MPHOSPH10: variants seen among roughly 807,000 people sequenced by gnomAD.
MPHOSPH10 encodes the protein M-phase phosphoprotein 10, also known as U3 small nucleolar ribonucleoprotein MPP10.
In MPHOSPH10, 33 loss-of-function variants were observed where a neutral mutation model predicts 77.3. That is an observed-to-expected ratio of 0.43 (90% CI 0.32 to 0.57). The LOEUF (loss-of-function observed/expected upper bound fraction) is 0.57, where lower values mean the gene tolerates loss of function less well. MPHOSPH10 is among the 20% of genes least tolerant of loss of function. The pLI is 0.07. For synonymous variants in MPHOSPH10, 245 were observed against 268.0 expected (o/e 0.91, Z 0.84); for missense variants, 708 against 780.1 (o/e 0.91, Z 1.10).
rs1043900724 is a variant in MPHOSPH10, at chr2:71,138,897, C to T, written c.1240+266C>T. The T allele has an allele frequency of 7.5e-5, 45 of 597,294 alleles. No homozygotes were observed. In the South Asian group the frequency reaches 8.1e-4, roughly 11 times the overall value. The allele number at this position is 597,294 out of a possible 1,614,324, so 37.0% of individuals were successfully genotyped here. Reference sequence around the variant, plus strand: ...TAAAAATACAAAAATCAGCCAGATACGGTGGCAGATTTCAGAATCCCATCT... The same window carrying T: ...TAAAAATACAAAAATCAGCCAGATATGGTGGCAGATTTCAGAATCCCATCT... On this transcript the variant is annotated intron_variant, in intron 5 of 10. Transcript: ENST00000244230.
At chr2:71,141,410 A>G in intron 7 of MPHOSPH10, 41 bp downstream of exon 7, 1 of 1,424,540 alleles carries the variant, frequency 7.0e-7, no homozygotes, top group African/African-American at 1.5e-5. Flanking sequence ...TATTAAAGAA[A>G]TAGAAGTAGA....
chr2:71,134,169 G>A lies in MPHOSPH10; in HGVS notation c.926+64G>A, dbSNP rs553379579. The A allele has an allele frequency of 6.9e-6, 10 of 1,454,676 alleles. No individual in the cohort carries two copies. In the South Asian group the frequency reaches 8.4e-5, roughly 12 times the overall value. The allele number at this position is 1,454,676 out of a possible 1,614,324, so 90.1% of individuals were successfully genotyped here. ...ATTGCCCAATCATGTGTGTGTACTC[G>A]TAGTTATCAAATGTGTTTGTCTTAG... On this transcript the variant is annotated intron_variant, in intron 3 of 10. Coordinates refer to ENST00000244230, the MANE Select transcript of MPHOSPH10 (RefSeq NM_005791.3).
At chr2:71,130,800 T>G in intron 1 of MPHOSPH10, 46 bp downstream of exon 1, 1 of 1,548,734 alleles carries the variant, frequency 6.5e-7, no homozygotes, top group Non-Finnish European at 8.8e-7. Context: ...GGGTCTCACG[T>G]GGACGCGGGT....
Position 71,130,695 on chromosome 2 carries a change from C to T in MPHOSPH10, c.30C>T (p.Thr10=), listed in dbSNP as rs764056516. ...CGCCGCAGGTCTGGCGTCGACGGAC[C>T]CTGGAGCGGTGTCTGACGGAAGTCG... MAPQVWRRR[T]LERCLTEVGK... Residue 10 remains threonine (T), a synonymous_variant, in exon 1 of 11, where the codon ACC becomes ACT. Coordinates refer to ENST00000244230, the MANE Select transcript of MPHOSPH10 (RefSeq NM_005791.3). 2 of 1,610,808 alleles carry T rather than the reference C, an allele frequency of 1.2e-6. No individual in the cohort carries two copies. Among genetic ancestry groups the T allele is most frequent in the Non-Finnish European group, 1.7e-6 (2 of 1,179,234 alleles).
intron 9 of MPHOSPH10, chr2:71,148,788 A>G (rs1208238020): frequency 1.1e-5 from 2 of 186,656 alleles, no homozygotes; most frequent in Non-Finnish European, 2.2e-5. Flanking sequence ...CTCACTAGAG[A>G]GATGTTTCCC....
intron 7 of MPHOSPH10, 106 bp downstream of exon 7, chr2:71,141,475 G>A (rs1673611098): frequency 1.1e-6 from 1 of 942,554 alleles, no homozygotes. Flanking sequence ...TGAGCTCTTT[G>A]GCTACCTCAT....
intron 6 of MPHOSPH10, 64 bp downstream of exon 6, chr2:71,139,926 G>A: frequency 8.7e-7 from 1 of 1,155,334 alleles, no homozygotes; most frequent in South Asian, 1.3e-5. Context: ...TAATGTGAGA[G>A]TACTTTGAGA....
At chr2:71,140,356 A>C (rs1673588797) in intron 6 of MPHOSPH10, among the ~76,000 whole-genome samples, 2 of 152,198 alleles carry the variant, frequency 1.3e-5, no homozygotes, top group Admixed American at 1.3e-4. Flanking sequence ...GGTGCAGGGC[A>C]TCACATGGTG....
chr2:71,141,193 G>T, intron 6 of MPHOSPH10, 39 bp from the exon 7 acceptor site: 1 of 1,300,206 alleles, frequency 7.7e-7, no homozygotes, highest in Admixed American at 3.0e-5. Context: ...GAAATAAATT[G>T]TAGGTTTTGT....
At position 71,149,290 on chromosome 2, in the gene MPHOSPH10, G is replaced by T. The variant is rs539937334; in HGVS notation, c.1733G>T (p.Arg578Leu). ...ACAGCTACAGACAAGAAACGAGAGC[G>T]AAGGAAAAAGAAATATCAAAAGCGT... ...EKTATDKKRE[R>L]RKKKYQKRMK... The change falls in exon 10 of 11, where the codon CGA (arginine) becomes CTA (leucine). Residue 578 changes from arginine (R) to leucine (L), a missense_variant. Physicochemically the swap from Arg to Leu is moderately radical, Grantham distance 102. This residue lies in a region of MPHOSPH10 where 263 missense variants were observed against 320.0 expected (regional missense o/e 0.82). Coordinates refer to ENST00000244230, the MANE Select transcript of MPHOSPH10 (RefSeq NM_005791.3). The T allele has an allele frequency of 6.2e-7, 1 of 1,606,724 alleles. No homozygotes were observed. The highest frequency in any genetic ancestry group is 1.1e-5 in the South Asian group (1 of 89,750).
intron 8 of MPHOSPH10, among the ~76,000 whole-genome samples, chr2:71,144,966 C>T (rs752996129): frequency 1.3e-5 from 2 of 152,164 alleles, no homozygotes; most frequent in Non-Finnish European, 2.9e-5. Flanking sequence ...TCTTTACATA[C>T]ACTAACACTT....
intron 10 of MPHOSPH10, 41 bp from the exon 11 acceptor site, chr2:71,149,825 G>T: frequency 6.7e-7 from 1 of 1,490,644 alleles, no homozygotes; most frequent in Non-Finnish European, 8.9e-7. Flanking sequence ...TCACTTATAA[G>T]TACATTTTAC....
Position 71,139,879 on chromosome 2 carries a change from TTTAAC to T in MPHOSPH10, c.1308+22_1308+26del, listed in dbSNP as rs754860845. The T allele has an allele frequency of 4.6e-6, 7 of 1,530,146 alleles. No individual in the cohort carries two copies. The African/African-American group carries it at 6.8e-5, about 15-fold the overall frequency. 94.8% of individuals were successfully genotyped at this position (1,530,146 alleles called of 1,614,324 possible). On this transcript the variant is annotated intron_variant, in intron 6 of 10. Transcript: ENST00000244230. ...AGAGATCAGGTCAGTAAGAATTAAA[TTTAAC>T]TTAATCAAAATGTCACCAAGATTTT...
Position 71,139,874 on chromosome 2 carries a change from T to A in MPHOSPH10, c.1308+12T>A, listed in dbSNP as rs1271458447. 1 of 1,567,036 alleles carries A rather than the reference T, an allele frequency of 6.4e-7. No homozygotes were observed. The highest frequency in any genetic ancestry group is 8.7e-7 in the Non-Finnish European group (1 of 1,148,786). ...GGATAAGAGATCAGGTCAGTAAGAA[T>A]TAAATTTAACTTAATCAAAATGTCA... On this transcript the variant is annotated intron_variant, in intron 6 of 10. Coordinates refer to ENST00000244230, the MANE Select transcript of MPHOSPH10 (RefSeq NM_005791.3).
chr2:71,144,792 T>C (rs890722244), intron 8 of MPHOSPH10, among the ~76,000 whole-genome samples: 2 of 152,204 alleles, frequency 1.3e-5, no homozygotes, highest in African/African-American at 4.8e-5. Flanking sequence ...TCTTACTGTT[T>C]TAACTTACCT....
Position 71,149,355 on chromosome 2 carries a change from G to C in MPHOSPH10, c.1798G>C (p.Glu600Gln). 1 of 1,614,154 alleles carries C rather than the reference G, an allele frequency of 6.2e-7. No homozygotes were observed. Among genetic ancestry groups the C allele is most frequent in the Non-Finnish European group, 8.5e-7 (1 of 1,179,996 alleles). ...KEKEKRRKLLEKSSVDQAGKY... is the reference protein window; with the variant it reads ...KEKEKRRKLLQKSSVDQAGKY... ...GAAGGAGAAGCGGAGAAAACTGCTT[G>C]AAAAGAGCAGTGTAGATCAAGCAGG... is the stretch of plus-strand genomic sequence containing the variant. The change falls in exon 10 of 11, where the codon GAA becomes CAA. Residue 600 changes from glutamate (E) to glutamine (Q), a missense_variant. This residue lies in a region of MPHOSPH10 where 263 missense variants were observed against 320.0 expected (regional missense o/e 0.82). Transcript: ENST00000244230.
At chr2:71,141,659 T>C (rs1673616229) in intron 7 of MPHOSPH10, among the ~76,000 whole-genome samples, 1 of 152,236 alleles carries the variant, frequency 6.6e-6, no homozygotes, top group Non-Finnish European at 1.5e-5. Context: ...TTCTCATTGA[T>C]ATTTTGAAGT....
rs1267879783 is a variant in MPHOSPH10 at position 71,144,439 on chromosome 2, A to G, written c.1458A>G (p.Ala486=). Residue 486 remains alanine (A), a synonymous_variant, in exon 8 of 11, where the codon GCA becomes GCG. Coordinates refer to ENST00000244230, the MANE Select transcript of MPHOSPH10 (RefSeq NM_005791.3). The part of the protein sequence containing the change: ...EYIKLNQQKT[A]EEENPEHVEI... ...ACTTATTTCCTAAGCAAAAAACAGC[A>G]GAAGAAGAAAATCCAGAACATGTAG... 4 of 1,613,564 alleles carry G rather than the reference A, an allele frequency of 2.5e-6. No homozygotes were observed. The highest frequency in any genetic ancestry group is 1.7e-4 in the Middle Eastern group (1 of 6,060).
intron 7 of MPHOSPH10, among the ~76,000 whole-genome samples, chr2:71,142,496 G>T (rs1244836009): frequency 2.0e-5 from 3 of 152,208 alleles, no homozygotes; most frequent in Admixed American, 2.0e-4. Flanking sequence ...GAAGTCAACA[G>T]CCAGTTCAGA....
Sources: allele counts gnomAD v4.1 joint callset (sites outside exome capture counted in the v4.1 genomes callset), GRCh38; gene constraint gnomAD v4.1.1; regional missense constraint gnomAD v4.1.1; transcripts MANE v1.5; gene names NCBI Gene and HGNC (gene_info 2026-07-23, HGNC 2026-07-21).